The following CTTNBP2 variants were observed in gnomAD, a reference collection of about 807,000 sequenced individuals.
CTTNBP2 encodes cortactin-binding protein 2.
In CTTNBP2, 108 loss-of-function variants were observed where a neutral mutation model predicts 156.9. The ratio of observed to expected loss-of-function variants is 0.69; its 90% CI spans 0.59 to 0.81. CTTNBP2 has a LOEUF of 0.81. Among genes scored for constraint, CTTNBP2 ranks in the 30% least tolerant of loss-of-function variants. CTTNBP2 has a pLI of 0.00. For missense variants in CTTNBP2, 1,924 were observed against 2,035.4 expected (o/e 0.95, Z 1.05); for synonymous variants, 767 against 751.8 (o/e 1.02, Z -0.33).
At chr7:117,837,420 C>T (rs34229431) in intron 2 of CTTNBP2, among the ~76,000 whole-genome samples, 15 of 152,272 alleles carry the variant, frequency 9.9e-5, no homozygotes, top group African/African-American at 3.6e-4. Context: ...ACCCCTGCTA[C>T]CTTCTCTGCT....
intron 2 of CTTNBP2, among the ~76,000 whole-genome samples, chr7:117,836,981 C>T (rs562069846): frequency 6.6e-6 from 1 of 152,248 alleles, no homozygotes; most frequent in Admixed American, 6.5e-5. Flanking sequence ...GGGGATACAG[C>T]CAAACCATAT....
At chr7:117,853,241 AGAAAC>A (rs1304288026) in intron 2 of CTTNBP2, among the ~76,000 whole-genome samples, 29 of 152,274 alleles carry the variant, frequency 1.9e-4, no homozygotes, top group African/African-American at 7.0e-4. Context: ...GCTGTAGAAA[AGAAAC>A]TGTTTTAGTT....
chr7:117,796,292 C>T (rs879534304), intron 3 of CTTNBP2, among the ~76,000 whole-genome samples: 1 of 152,128 alleles, frequency 6.6e-6, no homozygotes, highest in Admixed American at 6.6e-5. Flanking sequence ...AGGAGACTTC[C>T]AATCACATTA....
At chr7:117,835,022 T>G (rs571604635) in intron 2 of CTTNBP2, among the ~76,000 whole-genome samples, 1 of 152,272 alleles carries the variant, frequency 6.6e-6, no homozygotes, top group East Asian at 1.9e-4. Context: ...CCTAAACTCT[T>G]CAGATAATTG....
intron 11 of CTTNBP2, 143 bp from the exon 12 acceptor site, chr7:117,756,777 G>A (rs1394287706): frequency 3.0e-6 from 2 of 665,354 alleles, no homozygotes; most frequent in African/African-American, 3.6e-5. Flanking sequence ...AGGCACCAAT[G>A]TGCCTTTCTG....
At chr7:117,725,756 C>T (rs780729327) in intron 17 of CTTNBP2, among the ~76,000 whole-genome samples, 7 of 152,088 alleles carry the variant, frequency 4.6e-5, no homozygotes, top group African/African-American at 1.2e-4. Context: ...GGCGCAATCT[C>T]GGCTCACTGC....
chr7:117,758,838 A>G (rs960468298), intron 10 of CTTNBP2, among the ~76,000 whole-genome samples: 2 of 152,238 alleles, frequency 1.3e-5, no homozygotes, highest in Non-Finnish European at 2.9e-5. Context: ...CTCTGAGACA[A>G]GCATGAACAC....
At chr7:117,767,261 A>G (rs1458531073) in intron 8 of CTTNBP2, 85 bp from the exon 9 acceptor site, 4 of 772,188 alleles carry the variant, frequency 5.2e-6, no homozygotes, top group Non-Finnish European at 9.4e-6. Flanking sequence ...GTTGCCTATA[A>G]CAATCACATC....
At chr7:117,800,115 CT>C in intron 3 of CTTNBP2, among the ~76,000 whole-genome samples, 1 of 152,070 alleles carries the variant, frequency 6.6e-6, no homozygotes, top group Non-Finnish European at 1.5e-5. Context: ...TCCCTGCAAA[CT>C]TTTGGAGAAG....
Position 117,792,156 on chromosome 7 carries a change from G to C in CTTNBP2, c.1040C>G (p.Thr347Ser). The change falls in exon 4 of 23, where the codon ACC becomes AGC. Residue 347 changes from threonine (T) to serine (S), a missense_variant. Thr to Ser is a moderately conservative substitution (Grantham distance 58, BLOSUM62 1). Transcript: ENST00000160373. This position sits in a 1 kb window ranked among gnomAD's most constrained non-coding sequence, Gnocchi z 4.2. ...ACCTGGTCTGGCCATGGTGGCACTG[G>C]TGCACACGCTCCCTTTTGCATTTGC... ...VSANAKGSVC[T>S]SATMARPGID... The C allele has an allele frequency of 6.2e-7, 1 of 1,614,170 alleles. No homozygotes were observed. The highest frequency in any genetic ancestry group is 8.5e-7 in the Non-Finnish European group (1 of 1,180,022).
Position 117,820,257 on chromosome 7 carries a change from G to T in CTTNBP2, c.190-9268C>A, listed in dbSNP as rs1800876347. Reference sequence around the variant, plus strand: ...GCTGAATCCAGAACAACGTCCAACTGTCTTATTAAGACTCCAGACAGCCAC... The same window carrying T: ...GCTGAATCCAGAACAACGTCCAACTTTCTTATTAAGACTCCAGACAGCCAC... On this transcript the variant is annotated intron_variant, in intron 2 of 22. Transcript: ENST00000160373. Among the ~76,000 whole-genome samples, 3 of 152,292 alleles carry T rather than the reference G, an allele frequency of 2.0e-5. No individual in the cohort carries two copies. The South Asian group carries it at 6.2e-4, about 32-fold the overall frequency.
intron 2 of CTTNBP2, among the ~76,000 whole-genome samples, chr7:117,841,553 TC>T (rs574218501): frequency 6.6e-4 from 100 of 152,230 alleles, no homozygotes; most frequent in African/African-American, 2.4e-3. Context: ...AAGTACAACA[TC>T]CCCCACACAT....
At position 117,718,121 on chromosome 7, in the gene CTTNBP2, T is replaced by C. The variant is rs771246654; in HGVS notation, c.4645-2A>G. The C allele has an allele frequency of 6.2e-7, 1 of 1,601,752 alleles. No individual in the cohort carries two copies. Among genetic ancestry groups the C allele is most frequent in the Non-Finnish European group, 8.6e-7 (1 of 1,169,236 alleles). On this transcript the variant is annotated splice_acceptor_variant, in intron 21 of 22. Coordinates refer to ENST00000160373, the MANE Select transcript of CTTNBP2 (RefSeq NM_033427.3). LOFTEE classifies it high-confidence loss of function. ...TAAATCATCCCTGGAATCAGCAATC[T>C]AGAAAATACAGAATTTGCCCGGTCA...
intron 2 of CTTNBP2, among the ~76,000 whole-genome samples, chr7:117,812,702 G>C (rs1391027485): frequency 2.0e-5 from 3 of 152,144 alleles, no homozygotes; most frequent in African/African-American, 7.2e-5. Flanking sequence ...AGTATCACTT[G>C]AGAGATGCAA....
intron 7 of CTTNBP2, 22 bp from the exon 8 acceptor site, chr7:117,777,787 G>T: frequency 1.3e-6 from 2 of 1,595,650 alleles, no homozygotes; most frequent in Non-Finnish European, 1.7e-6. Context: ...ATGACCAGGG[G>T]GAAAGGGTTG....
rs1304526357 is a variant in CTTNBP2 at position 117,719,620 on chromosome 7, G to A, written c.4528C>T (p.Leu1510=). ...LSKQKSLEND[L]SLTLNLDQRL... ...TGATCCAAATTCAACGTCAGTGATA[G>A]ATCATTCTCTAAAGACCTAACACAA... is the stretch of plus-strand genomic sequence containing the variant. Residue 1510 remains leucine, a synonymous_variant, in exon 21 of 23, where the codon CTA becomes TTA. Coordinates refer to ENST00000160373, the MANE Select transcript of CTTNBP2 (RefSeq NM_033427.3). The A allele has an allele frequency of 4.3e-6, 7 of 1,613,178 alleles. No homozygotes were observed. Among genetic ancestry groups the A allele is most frequent in the African/African-American group, 1.3e-5 (1 of 74,924 alleles).
intron 12 of CTTNBP2, among the ~76,000 whole-genome samples, chr7:117,747,351 G>A (rs1319031674): frequency 6.6e-6 from 1 of 151,662 alleles, no homozygotes; most frequent in Non-Finnish European, 1.5e-5. Context: ...GGACTTCTGT[G>A]AAGATAGTAA....
intron 12 of CTTNBP2, among the ~76,000 whole-genome samples, chr7:117,746,986 T>C (rs1186532173): frequency 1.3e-5 from 2 of 152,124 alleles, no homozygotes; most frequent in Non-Finnish European, 2.9e-5. Flanking sequence ...GAGAAAAATA[T>C]GGAGAGGAAA....
rs1345740428 is a variant in CTTNBP2 at position 117,758,041 on chromosome 7, T to C, written c.3173-71A>G. The C allele has an allele frequency of 1.6e-5, 17 of 1,088,906 alleles. No individual in the cohort carries two copies. The Admixed American group carries it at 2.7e-4, about 17-fold the overall frequency. The allele number at this position is 1,088,906 out of a possible 1,614,324, so 67.5% of individuals were successfully genotyped here. A position where few individuals can be genotyped will look rare whatever the true frequency, so the allele number is the denominator to read the frequency against. On this transcript the variant is annotated intron_variant, in intron 10 of 22. Coordinates refer to ENST00000160373, the MANE Select transcript of CTTNBP2 (RefSeq NM_033427.3). ...GGTTTTTCTCACAAGGGTAAACATA[T>C]GCTCTCTTCTGTGAGAACCCTAAGG...
Sources: gnomAD v4.1 joint callset for allele counts (sites outside exome capture counted in the v4.1 genomes callset) on GRCh38, gnomAD v4.1.1 for gene constraint, Gnocchi (gnomAD v3.1) non-coding constraint, MANE v1.5 for transcripts, NCBI Gene and HGNC (gene_info 2026-07-23, HGNC 2026-07-21) for gene names.